The following RIPOR2 variants were observed in gnomAD, a reference collection of about 807,000 sequenced individuals.
RIPOR2 encodes the protein RHO family interacting cell polarization regulator 2, also known as rho family-interacting cell polarization regulator 2.
In RIPOR2, 39 loss-of-function variants were observed where a neutral mutation model predicts 114.5. That is an observed-to-expected ratio of 0.34 (90% confidence interval 0.26 to 0.44). The LOEUF (loss-of-function observed/expected upper bound fraction) is 0.44. RIPOR2 is among the 20% of genes least tolerant of loss of function. The probability of loss-of-function intolerance (pLI) is 1.00; values close to 1 mark genes in which losing one functional copy is unlikely to be tolerated. For synonymous variants in RIPOR2, 445 were observed against 484.4 expected (o/e 0.92, Z 1.07); for missense variants, 1,007 against 1,255.1 (o/e 0.80, Z 2.99).
At chr6:24,919,046 T>C (rs1770294417) in intron 1 of RIPOR2, among the ~76,000 whole-genome samples, 1 of 152,214 alleles carries the variant, frequency 6.6e-6, no homozygotes, top group Non-Finnish European at 1.5e-5. Flanking sequence ...CAGCACAGTT[T>C]CACTTTGCAG....
At chr6:24,993,406 GCTT>G (rs950871965) in intron 1 of RIPOR2, among the ~76,000 whole-genome samples, 1 of 152,208 alleles carries the variant, frequency 6.6e-6, no homozygotes, top group East Asian at 1.9e-4. Context: ...TGCAATCCAT[GCTT>G]CTTTTTCTGT....
chr6:24,933,444 AC>A (rs2114153436), intron 1 of RIPOR2, among the ~76,000 whole-genome samples: 1 of 152,250 alleles, frequency 6.6e-6, no homozygotes, highest in East Asian at 1.9e-4. Context: ...TTTGACTGTT[AC>A]CCCACACAGA....
rs375619968 is a variant in RIPOR2, at chr6:24,828,302, G to A, written c.2507-7C>T. ...GACACCAGGGTTCGAAACACTATTCGGAAGGGAAAGACACAAAGCAGCTTT... is the reference window on the plus strand; with the variant it reads ...GACACCAGGGTTCGAAACACTATTCAGAAGGGAAAGACACAAAGCAGCTTT... On this transcript the variant is annotated splice_polypyrimidine_tract_variant and splice_region_variant and intron_variant, in intron 17 of 21. Coordinates refer to ENST00000643898, the MANE Select transcript of RIPOR2 (RefSeq NM_001286445.3). 6.3e-5 allele frequency: 97 copies of A among 1,536,514 alleles called. No homozygotes were observed. The East Asian group carries it at 1.3e-3, about 20-fold the overall frequency.
At chr6:24,841,910 GC>G (rs1200331758) in intron 13 of RIPOR2, among the ~76,000 whole-genome samples, 1 of 152,086 alleles carries the variant, frequency 6.6e-6, no homozygotes, top group African/African-American at 2.4e-5. Context: ...GAGCCACCAT[GC>G]CCAGCCAGGA....
intron 21 of RIPOR2, 95 bp downstream of exon 21, chr6:24,809,622 C>G (rs1035994467): frequency 8.3e-6 from 7 of 845,964 alleles, no homozygotes; most frequent in African/African-American, 1.7e-5. Flanking sequence ...GTACATGAAA[C>G]TTCTCCTTAC....
intron 1 of RIPOR2, among the ~76,000 whole-genome samples, chr6:24,975,164 C>T (rs1227534143): frequency 1.3e-5 from 2 of 152,178 alleles, no homozygotes; most frequent in African/African-American, 4.8e-5. Flanking sequence ...AATCTCAATA[C>T]AGCTAAAATA....
intron 13 of RIPOR2, among the ~76,000 whole-genome samples, chr6:24,842,071 A>G (rs1417610729): frequency 6.6e-6 from 1 of 152,198 alleles, no homozygotes; most frequent in Non-Finnish European, 1.5e-5. Context: ...CTTTTATATG[A>G]CAATATAAAT....
At chr6:24,901,731 C>G (rs1034523812) in intron 1 of RIPOR2, among the ~76,000 whole-genome samples, 2 of 152,188 alleles carry the variant, frequency 1.3e-5, no homozygotes, top group Non-Finnish European at 2.9e-5. Flanking sequence ...AATCACCTCT[C>G]CTCCCTCCAG....
At chr6:25,017,609 G>A (rs1776078425) in intron 1 of RIPOR2, among the ~76,000 whole-genome samples, 1 of 152,212 alleles carries the variant, frequency 6.6e-6, no homozygotes, top group Non-Finnish European at 1.5e-5. Context: ...CCCCTATTCA[G>A]TGCCCTTCAG....
At chr6:24,900,067 C>G (rs532294387) in intron 1 of RIPOR2, among the ~76,000 whole-genome samples, 1 of 152,196 alleles carries the variant, frequency 6.6e-6, no homozygotes, top group Admixed American at 6.5e-5. Flanking sequence ...CCTCAGCCTA[C>G]GTGGACAGTC....
intron 19 of RIPOR2, among the ~76,000 whole-genome samples, chr6:24,822,785 G>A (rs1759816393): frequency 1.3e-5 from 2 of 152,236 alleles, no homozygotes; most frequent in African/African-American, 4.8e-5. Flanking sequence ...TTCCCAAAGT[G>A]TTGGGATTAC....
chr6:25,008,934 G>A (rs897580605), intron 1 of RIPOR2, among the ~76,000 whole-genome samples: 2 of 152,242 alleles, frequency 1.3e-5, no homozygotes, highest in Non-Finnish European at 2.9e-5. Flanking sequence ...GGGAAACTAA[G>A]CAGGGAGAGG....
At chr6:25,022,236 C>T (rs79535862) in intron 1 of RIPOR2, among the ~76,000 whole-genome samples, 1,617 of 152,300 alleles carry the variant, frequency 0.011, 32 homozygotes, top group African/African-American at 0.037. Context: ...TAGTCAACCT[C>T]TCTAACCAGC....
intron 21 of RIPOR2, among the ~76,000 whole-genome samples, chr6:24,807,660 C>T (rs1216782879): frequency 6.6e-6 from 1 of 152,120 alleles, no homozygotes; most frequent in East Asian, 1.9e-4. Flanking sequence ...AGGTGAACAG[C>T]CCAACAGCCA....
At chr6:24,932,312 G>A (rs559977806) in intron 1 of RIPOR2, among the ~76,000 whole-genome samples, 2 of 98,102 alleles carry the variant, frequency 2.0e-5, no homozygotes, top group East Asian at 5.3e-4. Flanking sequence ...GCAAACTTAA[G>A]ACTGTGTGTG....
At chr6:24,911,680 G>A (rs1769618210) in intron 1 of RIPOR2, among the ~76,000 whole-genome samples, 1 of 152,130 alleles carries the variant, frequency 6.6e-6, no homozygotes, top group Admixed American at 6.5e-5. Context: ...GGGAAAGCAT[G>A]GGTCTGCCTG....
chr6:24,930,922 C>T (rs920505899), intron 1 of RIPOR2, among the ~76,000 whole-genome samples: 3 of 152,150 alleles, frequency 2.0e-5, no homozygotes, highest in African/African-American at 7.2e-5. Flanking sequence ...AATAGCAATG[C>T]TTGTATTTAT....
At chr6:24,859,695 A>G (rs1763859584) in intron 8 of RIPOR2, among the ~76,000 whole-genome samples, 1 of 152,234 alleles carries the variant, frequency 6.6e-6, no homozygotes, top group South Asian at 2.1e-4. Context: ...TATTCCAGGT[A>G]TTCTCAGACA....
At chr6:25,006,426 A>T (rs1341672473) in intron 1 of RIPOR2, among the ~76,000 whole-genome samples, 1 of 152,236 alleles carries the variant, frequency 6.6e-6, no homozygotes. Flanking sequence ...TCTTTGAGGA[A>T]TAAATTGTAT....
Sources: allele counts gnomAD v4.1 joint callset (sites outside exome capture counted in the v4.1 genomes callset), GRCh38; gene constraint gnomAD v4.1.1; transcripts MANE v1.5; gene names NCBI Gene and HGNC (gene_info 2026-07-23, HGNC 2026-07-21).